Variants in FAM163A observed in about 807,000 individuals in gnomAD.
The protein encoded by FAM163A is protein FAM163A.
In FAM163A, 7 loss-of-function variants were observed where a neutral mutation model predicts 12.0. The observed-to-expected ratio is 0.58, with a 90% confidence interval of 0.33 to 1.10. The LOEUF (loss-of-function observed/expected upper bound fraction) is 1.10. Among genes scored for constraint, FAM163A ranks in the 50% least tolerant of loss-of-function variants. The pLI, the probability that FAM163A is intolerant of heterozygous loss-of-function variation, is 0.03. For missense variants in FAM163A, 202 were observed against 218.6 expected, an observed-to-expected ratio of 0.92 and a Z score of 0.48; for synonymous variants, 101 against 91.0, an observed-to-expected ratio of 1.11 and a Z score of -0.62.
chr1:179,732,837 C>G, the FAM163A span, among the ~76,000 whole-genome samples: 4 of 132,674 alleles, frequency 3.0e-5, no homozygotes, highest in Non-Finnish European at 6.1e-5. Flanking sequence ...GCTGAGATCG[C>G]ACCACTACAC....
chr1:179,801,583 G>A (rs1191784331), intron 1 of FAM163A, among the ~76,000 whole-genome samples: 1 of 152,304 alleles, frequency 6.6e-6, no homozygotes, highest in African/African-American at 2.4e-5. Context: ...AGAGAAAGGT[G>A]TATTATTTAT....
the FAM163A span, among the ~76,000 whole-genome samples, chr1:179,733,630 G>A: frequency 6.6e-6 from 1 of 151,986 alleles, no homozygotes; most frequent in African/African-American, 2.4e-5. Flanking sequence ...CATAATTTAT[G>A]GGAGTTCTCA....
chr1:179,806,740 C>T (rs980747259), intron 1 of FAM163A, among the ~76,000 whole-genome samples: 7 of 152,214 alleles, frequency 4.6e-5, no homozygotes, highest in Non-Finnish European at 1.0e-4. Context: ...CAGGGCATCC[C>T]TCCTCTCCCT....
At chr1:179,779,075 G>A (rs1689372541) in intron 1 of FAM163A, among the ~76,000 whole-genome samples, 1 of 152,198 alleles carries the variant, frequency 6.6e-6, no homozygotes, top group Non-Finnish European at 1.5e-5. Context: ...AAAATTAAAT[G>A]CTCTCAGTGT....
intron 1 of FAM163A, among the ~76,000 whole-genome samples, chr1:179,772,007 T>G (rs1436885366): frequency 6.6e-6 from 1 of 152,168 alleles, no homozygotes; most frequent in Non-Finnish European, 1.5e-5. Context: ...TCTATTCAGC[T>G]GCTCCAAATG....
chr1:179,737,640 C>T, the FAM163A span, among the ~76,000 whole-genome samples: 5 of 152,086 alleles, frequency 3.3e-5, no homozygotes, highest in Admixed American at 6.5e-5. Context: ...TCAAGACCAT[C>T]GTGGCTAACA....
At chr1:179,788,436 G>C (rs982854643) in intron 1 of FAM163A, among the ~76,000 whole-genome samples, 139 of 152,350 alleles carry the variant, frequency 9.1e-4, no homozygotes, top group African/African-American at 3.1e-3. Flanking sequence ...GCTCTGAACA[G>C]GACCTGCTCT....
At chr1:179,783,124 C>T (rs565666254) in intron 1 of FAM163A, among the ~76,000 whole-genome samples, 172 of 127,672 alleles carry the variant, frequency 1.3e-3, no homozygotes, top group African/African-American at 5.1e-3. Context: ...AGTGAAACTC[C>T]GTCTTAAAAA....
At chr1:179,743,058 C>A (rs1683855436), upstream of FAM163A, 1 of 152,354 alleles carries the variant, frequency 6.6e-6, no homozygotes, top group African/African-American at 2.4e-5. Context: ...TCCCAGGGCG[C>A]CCGCCTCCCG....
chr1:179,743,957 G>A (rs1271401660), intron 1 of FAM163A, among the ~76,000 whole-genome samples: 1 of 152,208 alleles, frequency 6.6e-6, no homozygotes, highest in East Asian at 1.9e-4. Context: ...GCCGACCGGC[G>A]GGGTCTGCTG....
chr1:179,728,608 T>G, the FAM163A span, among the ~76,000 whole-genome samples: 31 of 152,146 alleles, frequency 2.0e-4, no homozygotes, highest in Non-Finnish European at 3.8e-4. Context: ...TATCTCCCTG[T>G]GATAATTTGG....
At chr1:179,778,234 G>A (rs1258270369) in intron 1 of FAM163A, among the ~76,000 whole-genome samples, 2 of 152,110 alleles carry the variant, frequency 1.3e-5, no homozygotes, top group African/African-American at 4.8e-5. Flanking sequence ...GGCTGGCCTA[G>A]GTAAGATCAC....
At position 179,802,993 on chromosome 1, in the gene FAM163A, A is replaced by G. The variant is rs565647507; in HGVS notation, c.-135-4805A>G. ...GCTGCTGTAGTTACCCATCTAGGGT[A>G]AGAGAACCCATGTAGTCACCAGTTC... On this transcript the variant is annotated intron_variant, in intron 1 of 4. Coordinates refer to ENST00000341785, the MANE Select transcript of FAM163A (RefSeq NM_173509.3). Among the ~76,000 whole-genome samples the G allele has an allele frequency of 6.6e-5, 10 of 152,230 alleles. No individual in the cohort carries two copies. The East Asian group carries it at 1.9e-3, about 30-fold the overall frequency.
intron 1 of FAM163A, among the ~76,000 whole-genome samples, chr1:179,791,574 C>T (rs1205490694): frequency 6.6e-6 from 1 of 152,224 alleles, no homozygotes; most frequent in Non-Finnish European, 1.5e-5. Context: ...TGCAGGCTGG[C>T]AACTAAGCCA....
At chr1:179,734,587 T>C in the FAM163A span, among the ~76,000 whole-genome samples, 2 of 152,214 alleles carry the variant, frequency 1.3e-5, no homozygotes, top group Non-Finnish European at 2.9e-5. Flanking sequence ...CTTCTTGCTG[T>C]GTCCTCACGT....
At chr1:179,770,052 C>T (rs1688066801) in intron 1 of FAM163A, among the ~76,000 whole-genome samples, 1 of 151,816 alleles carries the variant, frequency 6.6e-6, no homozygotes, top group Non-Finnish European at 1.5e-5. Flanking sequence ...ACTACAGGCG[C>T]CTGCCACCAC....
intron 1 of FAM163A, among the ~76,000 whole-genome samples, chr1:179,766,973 C>T (rs1687593422): frequency 6.6e-6 from 1 of 152,144 alleles, no homozygotes; most frequent in Admixed American, 6.5e-5. Context: ...CCAGGCTGGT[C>T]TCGAGCTCCT....
Position 179,814,311 on chromosome 1 carries a change from C to G in FAM163A, c.*122C>G. On this transcript the variant is annotated 3_prime_UTR_variant, in exon 5 of 5. Transcript: ENST00000341785. ...TTCTGTTTCTTTGGCTTTTCTCGCT[C>G]CGCAGTGGAGGGTTTACTAGGATTT... is the stretch of plus-strand genomic sequence containing the variant. The G allele has an allele frequency of 7.7e-7, 1 of 1,306,374 alleles. No homozygotes were observed. The highest frequency in any genetic ancestry group is 1.0e-6 in the Non-Finnish European group (1 of 966,108). The allele number at this position is 1,306,374 out of a possible 1,614,324, so 80.9% of individuals were successfully genotyped here.
the FAM163A span, among the ~76,000 whole-genome samples, chr1:179,737,449 T>C: frequency 4.6e-5 from 7 of 152,330 alleles, no homozygotes; most frequent in Admixed American, 3.9e-4. Flanking sequence ...ATAATGCCTA[T>C]AGTTAACAAT....
Sources: gnomAD v4.1 joint callset for allele counts (sites outside exome capture counted in the v4.1 genomes callset) on GRCh38, gnomAD v4.1.1 for gene constraint, MANE v1.5 for transcripts, NCBI Gene and HGNC (gene_info 2026-07-23, HGNC 2026-07-21) for gene names.